Variants in MRTFB observed in about 807,000 individuals in gnomAD.
The protein encoded by MRTFB is myocardin-related transcription factor B.
Under a neutral mutation model 104.2 loss-of-function variants are expected in MRTFB, and 29 were observed. The ratio of observed to expected loss-of-function variants is 0.28; its 90% CI spans 0.21 to 0.38. The LOEUF (loss-of-function observed/expected upper bound fraction) is 0.38, where lower values mean the gene tolerates loss of function less well. MRTFB is among the 10% of genes least tolerant of loss of function. MRTFB has a pLI of 1.00. For synonymous variants in MRTFB, 535 were observed against 519.5 expected (o/e 1.03, Z -0.41); for missense variants, 1,270 against 1,341.6 (o/e 0.95, Z 0.83).
chr16:14,035,935 T>G, the MRTFB span, among the ~76,000 whole-genome samples: 1 of 151,396 alleles, frequency 6.6e-6, no homozygotes, highest in Admixed American at 6.6e-5. Context: ...TGCCTTTGCA[T>G]CCTCATAACT....
At chr16:14,243,440 C>G (rs2042868192) in intron 10 of MRTFB, among the ~76,000 whole-genome samples, 1 of 152,224 alleles carries the variant, frequency 6.6e-6, no homozygotes. Flanking sequence ...TTCCAAGTCT[C>G]TTGGCTTCAG....
At chr16:14,106,794 G>A (rs1245805927) in intron 2 of MRTFB, among the ~76,000 whole-genome samples, 1 of 152,148 alleles carries the variant, frequency 6.6e-6, no homozygotes, top group African/African-American at 2.4e-5. Flanking sequence ...GGTCAGCATT[G>A]GGCTGGGACT....
chr16:14,224,244 G>GACC (rs1428845496), intron 8 of MRTFB, among the ~76,000 whole-genome samples: 1 of 152,152 alleles, frequency 6.6e-6, no homozygotes, highest in Non-Finnish European at 1.5e-5. Flanking sequence ...AATTTGACAT[G>GACC]AGATTTGGTC....
At chr16:14,098,924 G>A (rs1176130756) in intron 2 of MRTFB, among the ~76,000 whole-genome samples, 2 of 152,102 alleles carry the variant, frequency 1.3e-5, no homozygotes, top group Non-Finnish European at 2.9e-5. Flanking sequence ...CCTCTGTTTT[G>A]TTTCATTAAT....
the MRTFB span, among the ~76,000 whole-genome samples, chr16:14,064,338 AGTTT>A: frequency 6.6e-6 from 1 of 151,892 alleles, no homozygotes; most frequent in Admixed American, 6.6e-5. Flanking sequence ...TTTGCTTGTT[AGTTT>A]AAGTTCCTTA....
chr16:14,002,160 A>T, the MRTFB span, among the ~76,000 whole-genome samples: 8 of 152,182 alleles, frequency 5.3e-5, no homozygotes, highest in African/African-American at 1.9e-4. Flanking sequence ...AGATGGGTGG[A>T]TCACCTGAGG....
intron 8 of MRTFB, among the ~76,000 whole-genome samples, chr16:14,222,572 G>T (rs1428404119): frequency 1.3e-5 from 2 of 148,190 alleles, no homozygotes; most frequent in Non-Finnish European, 3.0e-5. Flanking sequence ...CCCTGTTTAG[G>T]TTTTTTTTTT....
At chr16:14,166,529 A>T (rs185581934) in intron 3 of MRTFB, among the ~76,000 whole-genome samples, 35 of 152,228 alleles carry the variant, frequency 2.3e-4, no homozygotes, top group Admixed American at 2.2e-3. Flanking sequence ...AAGTTCCAGG[A>T]TACATATGCA....
At chr16:14,194,077 CAT>C (rs2040319327) in intron 3 of MRTFB, among the ~76,000 whole-genome samples, 1 of 152,164 alleles carries the variant, frequency 6.6e-6, no homozygotes, top group Non-Finnish European at 1.5e-5. Context: ...ACGTTTGAAA[CAT>C]TGGGTTTTCC....
At chr16:14,200,872 A>C (rs1305657612) in intron 3 of MRTFB, 1 of 1,457,140 alleles carries the variant, frequency 6.9e-7, no homozygotes, top group Non-Finnish European at 9.6e-7. Context: ...TGGTTACCTC[A>C]GGTGTAAGGT....
chr16:14,259,706 A>G (rs749530971), intron 16 of MRTFB, among the ~76,000 whole-genome samples: 3 of 152,210 alleles, frequency 2.0e-5, no homozygotes, highest in Non-Finnish European at 4.4e-5. Flanking sequence ...AGCTGAGATC[A>G]TGCCACCGCA....
At chr16:14,117,232 A>G (rs2036588128) in intron 2 of MRTFB, among the ~76,000 whole-genome samples, 1 of 152,248 alleles carries the variant, frequency 6.6e-6, no homozygotes, top group Non-Finnish European at 1.5e-5. Flanking sequence ...AGCATTTGTT[A>G]AACCACTGTA....
chr16:14,146,505 G>C (rs2038324427), intron 3 of MRTFB, among the ~76,000 whole-genome samples: 1 of 152,110 alleles, frequency 6.6e-6, no homozygotes, highest in South Asian at 2.1e-4. Flanking sequence ...TCACTTACTA[G>C]AGAGAAAATA....
In MRTFB at chr16:14,177,869, T is replaced by C. The variant is rs1294951104; in HGVS notation, c.155-32374T>C. On this transcript the variant is annotated intron_variant, in intron 3 of 16. Transcript: ENST00000571589. The surrounding 1 kb of genome is among the most constrained non-coding windows in gnomAD (Gnocchi z 4.7). ...AAGAAAACTCATTTAGAAACTATTATTTAGAAAGCGAGAAGTACATGAACC... is the reference window on the plus strand; with the variant it reads ...AAGAAAACTCATTTAGAAACTATTACTTAGAAAGCGAGAAGTACATGAACC... Among the ~76,000 whole-genome samples the C allele has an allele frequency of 6.6e-6, 1 of 151,384 alleles. No individual in the cohort carries two copies. Among genetic ancestry groups the C allele is most frequent in the Non-Finnish European group, 1.5e-5 (1 of 67,914 alleles).
rs1392290321 is a variant in MRTFB, at chr16:14,196,968, T to TC, written c.155-13275_155-13274insC. The stretch of plus-strand genomic sequence containing the variant: ...CTTTAGTGCTTTCTCTTTTTTCTTT[T>TC]TTTTTTTTTTTTTTTTTTTGAGATG... On this transcript the variant is annotated intron_variant, in intron 3 of 16. Coordinates refer to ENST00000571589, the MANE Select transcript of MRTFB (RefSeq NM_001308142.2). 8.9e-3 allele frequency among the ~76,000 whole-genome samples: 1,189 copies of TC among 134,192 alleles called. 9 individuals carry two copies. The highest frequency in any genetic ancestry group is 0.032 in the African/African-American group (1,120 of 34,682). 88.0% of individuals were successfully genotyped at this position (134,192 alleles called of 152,430 possible).
At chr16:14,061,005 G>A in the MRTFB span, among the ~76,000 whole-genome samples, 3 of 152,264 alleles carry the variant, frequency 2.0e-5, no homozygotes, top group African/African-American at 7.2e-5. Context: ...ACTTAGCCAG[G>A]TGTGGTGGTG....
chr16:14,239,663 G>GGAT (rs2042675744), intron 9 of MRTFB, among the ~76,000 whole-genome samples: 1 of 151,986 alleles, frequency 6.6e-6, no homozygotes, highest in African/African-American at 2.4e-5. Context: ...TTGAGATGAG[G>GGAT]GATACATGGT....
chr16:14,257,414 A>AT (rs2043543345), intron 15 of MRTFB, among the ~76,000 whole-genome samples: 2 of 152,210 alleles, frequency 1.3e-5, no homozygotes, highest in Admixed American at 1.3e-4. Flanking sequence ...CAATAAAAAA[A>AT]TTAACTGTTC....
Position 14,252,517 on chromosome 16 carries a change from G to C in MRTFB, c.2703+15G>C, listed in dbSNP as rs373595425. 1.5e-5 allele frequency: 24 copies of C among 1,613,622 alleles called. No individual in the cohort carries two copies. Among genetic ancestry groups the C allele is most frequent in the Non-Finnish European group, 1.9e-5 (23 of 1,179,872 alleles). On this transcript the variant is annotated intron_variant, in intron 15 of 16. Coordinates refer to ENST00000571589, the MANE Select transcript of MRTFB (RefSeq NM_001308142.2). ...CTCTGCCAGAGGTAAGTGAGGGCAC[G>C]GTCATGGTGCATAAGGCTATGGTGG... is the stretch of plus-strand genomic sequence containing the variant.
Sources: allele counts gnomAD v4.1 joint callset (sites outside exome capture counted in the v4.1 genomes callset), GRCh38; gene constraint gnomAD v4.1.1; non-coding constraint Gnocchi (gnomAD v3.1); transcripts MANE v1.5; gene names NCBI Gene and HGNC (gene_info 2026-07-23, HGNC 2026-07-21).